Variants in RNLS observed in about 807,000 individuals in gnomAD.
RNLS encodes the protein renalase.
Under a neutral mutation model 39.8 loss-of-function variants are expected in RNLS, and 39 were observed. That is an observed-to-expected ratio of 0.98 (90% CI 0.76 to 1.28). The LOEUF (loss-of-function observed/expected upper bound fraction) is 1.28, where lower values mean the gene tolerates loss of function less well. Ranked by LOEUF, RNLS falls within the 50% of genes most tolerant of loss-of-function variation. The pLI is 0.00. For missense variants in RNLS, 410 were observed against 413.3 expected (o/e 0.99, Z 0.07); for synonymous variants, 147 against 150.7 (o/e 0.98, Z 0.18).
intron 4 of RNLS, among the ~76,000 whole-genome samples, chr10:88,511,711 T>C (rs1846131599): frequency 1.3e-5 from 2 of 152,098 alleles, no homozygotes; most frequent in Non-Finnish European, 2.9e-5. Context: ...GAAGACAGTA[T>C]TTAAAGAAGG....
chr10:88,239,953 T>C, the RNLS span, among the ~76,000 whole-genome samples: 1 of 152,192 alleles, frequency 6.6e-6, no homozygotes, highest in Admixed American at 6.5e-5. Context: ...AAATATTATA[T>C]TTTGTTATTT....
chr10:88,278,307 T>C (rs888332389), intron 6 of RNLS, among the ~76,000 whole-genome samples: 1 of 152,178 alleles, frequency 6.6e-6, no homozygotes, highest in African/African-American at 2.4e-5. Flanking sequence ...GTTTTGATTA[T>C]TTTCCGAAGG....
At chr10:88,528,852 C>CAA (rs35644317) in intron 4 of RNLS, among the ~76,000 whole-genome samples, 14 of 91,204 alleles carry the variant, frequency 1.5e-4, no homozygotes, top group African/African-American at 4.9e-4. Context: ...GACTCCGTCT[C>CAA]AAAAAAAAAA....
At chr10:88,269,161 T>C (rs1209624066), downstream of RNLS, among the ~76,000 whole-genome samples, 1 of 152,204 alleles carries the variant, frequency 6.6e-6, no homozygotes. Flanking sequence ...TGCAGGTGCA[T>C]CAAATCTTTC....
At chr10:88,442,803 A>G (rs918418357) in intron 4 of RNLS, among the ~76,000 whole-genome samples, 2 of 152,104 alleles carry the variant, frequency 1.3e-5, no homozygotes, top group South Asian at 2.1e-4. Context: ...TGCTGTCAGC[A>G]GTCACTTTTA....
chr10:88,577,385 A>C (rs966786796), intron 3 of RNLS, among the ~76,000 whole-genome samples: 5 of 152,214 alleles, frequency 3.3e-5, no homozygotes, highest in African/African-American at 1.2e-4. Context: ...ATAGAAAAAA[A>C]CAACATGATT....
chr10:88,227,926 C>G, the RNLS span, among the ~76,000 whole-genome samples: 1 of 152,088 alleles, frequency 6.6e-6, no homozygotes, highest in Non-Finnish European at 1.5e-5. Context: ...AAGTCTAGTA[C>G]GTGGACTAAG....
At chr10:88,521,984 A>G (rs1449707496) in intron 4 of RNLS, among the ~76,000 whole-genome samples, 1 of 152,084 alleles carries the variant, frequency 6.6e-6, no homozygotes, top group African/African-American at 2.4e-5. Context: ...TTTACCCTGG[A>G]GCAAATGCTC....
At chr10:88,243,290 T>G in the RNLS span, among the ~76,000 whole-genome samples, 1 of 152,154 alleles carries the variant, frequency 6.6e-6, no homozygotes, top group South Asian at 2.1e-4. Flanking sequence ...TTAAAGAAAA[T>G]CCCATTTTCC....
At chr10:88,492,065 A>G (rs982483753) in intron 4 of RNLS, among the ~76,000 whole-genome samples, 4 of 152,186 alleles carry the variant, frequency 2.6e-5, no homozygotes, top group Admixed American at 6.5e-5. Flanking sequence ...TGGAATAAAC[A>G]AAGTTAATAA....
intron 4 of RNLS, among the ~76,000 whole-genome samples, chr10:88,504,841 CAGAG>C (rs1390770831): frequency 3.7e-5 from 5 of 136,986 alleles, no homozygotes; most frequent in Non-Finnish European, 7.7e-5. Flanking sequence ...GAGAGAGAGA[CAGAG>C]TGTGTGTGTG....
chr10:88,512,700 C>T (rs1298991302), intron 4 of RNLS, among the ~76,000 whole-genome samples: 1 of 152,126 alleles, frequency 6.6e-6, no homozygotes, highest in Non-Finnish European at 1.5e-5. Flanking sequence ...TTACTCTCCA[C>T]AATGCATCTT....
the RNLS span, among the ~76,000 whole-genome samples, chr10:88,267,783 GGAA>G: frequency 6.6e-6 from 1 of 152,172 alleles, no homozygotes; most frequent in Non-Finnish European, 1.5e-5. Context: ...TCAGAAAGGA[GGAA>G]GAAGTGAGGA....
chr10:88,385,730 G>A (rs951230879), intron 4 of RNLS, among the ~76,000 whole-genome samples: 7 of 152,168 alleles, frequency 4.6e-5, no homozygotes, highest in Non-Finnish European at 1.0e-4. Flanking sequence ...CTTCGGGTGG[G>A]GCCCTGTGGT....
At chr10:88,522,887 C>T (rs1846843640) in intron 4 of RNLS, among the ~76,000 whole-genome samples, 1 of 152,136 alleles carries the variant, frequency 6.6e-6, no homozygotes. Context: ...AAATGAACTT[C>T]CAGAGCAAAG....
chr10:88,502,103 T>G (rs144362328), intron 4 of RNLS, among the ~76,000 whole-genome samples: 130 of 152,214 alleles, frequency 8.5e-4, no homozygotes, highest in Middle Eastern at 6.8e-3. Context: ...TATATCAAAT[T>G]AGGGTCCATC....
chr10:88,321,040 A>C (rs149313331), intron 5 of RNLS, among the ~76,000 whole-genome samples: 61 of 152,018 alleles, frequency 4.0e-4, no homozygotes, highest in African/African-American at 1.5e-3. Context: ...AATTGACTAT[A>C]TGATTGGCCA....
intron 5 of RNLS, chr10:88,343,884 C>G (rs1223674332): frequency 2.1e-6 from 2 of 942,774 alleles, no homozygotes; most frequent in African/African-American, 3.6e-5. Context: ...TTTGTCCTAA[C>G]TCACATTTGG....
chr10:88,342,149 C>G (rs1276886979), intron 5 of RNLS, among the ~76,000 whole-genome samples: 1 of 152,160 alleles, frequency 6.6e-6, no homozygotes, highest in Non-Finnish European at 1.5e-5. Flanking sequence ...CATTTCTTTC[C>G]TATTTCCAGG....
Sources: allele counts gnomAD v4.1 joint callset (sites outside exome capture counted in the v4.1 genomes callset), GRCh38; gene constraint gnomAD v4.1.1; transcripts MANE v1.5; gene names NCBI Gene and HGNC (gene_info 2026-07-23, HGNC 2026-07-21).